MYO16: variants seen among roughly 807,000 people sequenced by gnomAD.
The protein encoded by MYO16 is unconventional myosin-XVI.
A neutral mutation model predicts 205.3 loss-of-function variants in MYO16; 94 were observed. The ratio of observed to expected loss-of-function variants is 0.46; its 90% confidence interval spans 0.39 to 0.54. The LOEUF (loss-of-function observed/expected upper bound fraction) is 0.54. Among genes scored for constraint, MYO16 ranks in the 20% least tolerant of loss-of-function variants. The pLI, the probability that MYO16 is intolerant of heterozygous loss-of-function variation, is 0.00. For synonymous variants in MYO16, 988 were observed against 954.0 expected (o/e 1.04, Z -0.66); for missense variants, 2,315 against 2,387.5 (o/e 0.97, Z 0.63).
chr13:108,551,628 T>C, the MYO16 span, among the ~76,000 whole-genome samples: 1 of 152,172 alleles, frequency 6.6e-6, no homozygotes, highest in Non-Finnish European at 1.5e-5. Flanking sequence ...AACATGATCA[T>C]ATTTTTTTGC....
upstream of MYO16, among the ~76,000 whole-genome samples, chr13:108,594,252 C>T (rs1878477620): frequency 6.6e-6 from 1 of 152,206 alleles, no homozygotes; most frequent in South Asian, 2.1e-4. Context: ...CTTCCTTGAA[C>T]ACCCTCTAAA....
chr13:108,972,993 G>A lies in MYO16; in HGVS notation c.2369+8091G>A, dbSNP rs79444418. 7.5e-3 allele frequency among the ~76,000 whole-genome samples: 1,138 copies of A among 152,126 alleles called. 13 individuals are homozygous for A. Among genetic ancestry groups the A allele is most frequent in the African/African-American group, 0.026 (1,081 of 41,486 alleles). On this transcript the variant is annotated intron_variant, in intron 20 of 34. Transcript: ENST00000457511. ...AGATGGGGAAGATATTGGGAACAGC[G>A]GACAGGTGCTCTGTAGAGATGGGGA...
chr13:108,703,497 C>A (rs565698767), intron 2 of MYO16, among the ~76,000 whole-genome samples: 1 of 152,178 alleles, frequency 6.6e-6, no homozygotes, highest in South Asian at 2.1e-4. Flanking sequence ...CCTTTCACAG[C>A]AATGGATGGA....
intron 4 of MYO16, among the ~76,000 whole-genome samples, chr13:108,744,672 A>G (rs1364925349): frequency 6.6e-6 from 1 of 152,112 alleles, no homozygotes; most frequent in East Asian, 1.9e-4. Context: ...TCTTCATTTC[A>G]TTGTTTATCT....
chr13:109,140,749 C>T lies in MYO16; in HGVS notation c.4537C>T (p.Pro1513Ser). 2.0e-6 allele frequency: 3 copies of T among 1,535,006 alleles called. No homozygotes were observed. The highest frequency in any genetic ancestry group is 2.6e-6 in the Non-Finnish European group (3 of 1,142,896). ...PFPNLLPHRP[P>S]LLVFPPTPVT... ...CCCCAACCTGCTGCCGCACCGGCCG[C>T]CCCTGCTGGTGTTCCCCCCGACCCC... The change falls in exon 32 of 35, where the codon CCC becomes TCC. Residue 1513 changes from proline to serine, a missense_variant. This residue lies in a region of MYO16 where 1,097 missense variants were observed against 1,092.0 expected (regional missense o/e 1.00). Transcript: ENST00000457511. This position sits in a 1 kb window ranked among gnomAD's most constrained non-coding sequence, Gnocchi z 8.0.
chr13:109,089,352 T>A (rs1248913485), intron 27 of MYO16, among the ~76,000 whole-genome samples: 1 of 152,034 alleles, frequency 6.6e-6, no homozygotes, highest in Non-Finnish European at 1.5e-5. Flanking sequence ...TAGCTGGAAT[T>A]ACAGGTGCCC....
intron 4 of MYO16, chr13:108,779,853 C>T (rs1022933617): frequency 2.0e-5 from 3 of 152,200 alleles, no homozygotes; most frequent in African/African-American, 7.2e-5. Context: ...AAAGGAGGAC[C>T]CTCCGGAGGC....
intron 2 of MYO16, among the ~76,000 whole-genome samples, chr13:108,677,437 T>G (rs1253572154): frequency 6.7e-6 from 1 of 150,112 alleles, no homozygotes; most frequent in Non-Finnish European, 1.5e-5. Context: ...TGTGTATATA[T>G]AGGTACAGAT....
intron 20 of MYO16, among the ~76,000 whole-genome samples, chr13:108,971,417 GTCTA>G (rs1400842965): frequency 4.5e-4 from 66 of 145,586 alleles, no homozygotes; most frequent in African/African-American, 1.0e-3. Context: ...ATCTATATCT[GTCTA>G]TCTATCTATC....
the MYO16 span, among the ~76,000 whole-genome samples, chr13:108,539,063 C>A: frequency 1.3e-5 from 2 of 152,092 alleles, no homozygotes; most frequent in Non-Finnish European, 2.9e-5. Context: ...CTGCAGCTTA[C>A]TAGCTACAGC....
chr13:108,767,739 C>T (rs1237464860), intron 4 of MYO16, among the ~76,000 whole-genome samples: 2 of 152,158 alleles, frequency 1.3e-5, no homozygotes, highest in African/African-American at 4.8e-5. Context: ...GAGCATTTTC[C>T]AGTCTCCCTT....
chr13:108,897,943 A>G (rs1880509552), intron 14 of MYO16, 73 bp from the exon 15 acceptor site: 3 of 1,142,274 alleles, frequency 2.6e-6, no homozygotes, highest in Non-Finnish European at 4.0e-6. Context: ...TATTCACTGC[A>G]TCGTCGCTAT....
Position 109,049,090 on chromosome 13 carries a change from T to C in MYO16, c.2872+2099T>C, listed in dbSNP as rs536420545. On this transcript the variant is annotated intron_variant, in intron 24 of 34. Transcript: ENST00000457511. Reference sequence around the variant, plus strand: ...GTTAATAATTATTGAGTCTTTTTTTTTTTTTTTTTGCTGTGTGTCTCTGTA... The same window carrying C: ...GTTAATAATTATTGAGTCTTTTTTTCTTTTTTTTTGCTGTGTGTCTCTGTA... The C allele has an allele frequency of 4.6e-4, 52 of 112,126 alleles. 1 individual carries two copies. Among genetic ancestry groups the C allele is most frequent in the African/African-American group, 1.6e-3 (50 of 31,812 alleles). 6.9% of individuals were successfully genotyped at this position (112,126 alleles called of 1,614,324 possible).
chr13:109,078,478 T>A (rs948243709), intron 27 of MYO16, among the ~76,000 whole-genome samples: 1 of 152,144 alleles, frequency 6.6e-6, no homozygotes, highest in Non-Finnish European at 1.5e-5. Context: ...TAGTTTTTCT[T>A]CTAGTATCTA....
intron 2 of MYO16, among the ~76,000 whole-genome samples, chr13:108,712,000 C>T (rs8000574): frequency 0.26 from 39,889 of 152,126 alleles, 5,431 homozygotes; most frequent in Middle Eastern, 0.41. Context: ...GAGAATGGAA[C>T]ACAATCAATC....
chr13:108,878,710 G>T (rs1879447351), intron 12 of MYO16, among the ~76,000 whole-genome samples: 4 of 152,238 alleles, frequency 2.6e-5, no homozygotes, highest in Admixed American at 2.6e-4. Flanking sequence ...TTCAGAAGTT[G>T]CAGGCACCCA....
At chr13:108,537,565 A>G in the MYO16 span, among the ~76,000 whole-genome samples, 106 of 152,254 alleles carry the variant, frequency 7.0e-4, no homozygotes, top group Middle Eastern at 3.4e-3. Flanking sequence ...GTTTCTTGAG[A>G]AATCTCCATA....
the MYO16 span, among the ~76,000 whole-genome samples, chr13:108,562,549 C>T: frequency 6.6e-6 from 1 of 152,090 alleles, no homozygotes; most frequent in African/African-American, 2.4e-5. Flanking sequence ...GGGAAACTTA[C>T]TATGCAAACT....
At chr13:108,611,958 C>CTTTTTTTTTTTTCTT (rs1879185596) in intron 1 of MYO16, among the ~76,000 whole-genome samples, 3 of 101,920 alleles carry the variant, frequency 2.9e-5, no homozygotes, top group Admixed American at 9.8e-5. Flanking sequence ...AGGTAATATT[C>CTTTTTTTTTTTTCTT]TTTTTTTTTT....
Sources: gnomAD v4.1 joint callset for allele counts (sites outside exome capture counted in the v4.1 genomes callset) on GRCh38, gnomAD v4.1.1 for gene constraint, gnomAD v4.1.1 regional missense constraint, Gnocchi (gnomAD v3.1) non-coding constraint, MANE v1.5 for transcripts, NCBI Gene and HGNC (gene_info 2026-07-23, HGNC 2026-07-21) for gene names.